ADCY5: variants seen among roughly 807,000 people sequenced by gnomAD.
ADCY5 encodes adenylate cyclase 5.
In ADCY5, 30 loss-of-function variants were observed where a neutral mutation model predicts 119.7. That is an observed-to-expected ratio of 0.25 (90% CI 0.19 to 0.34). The LOEUF (loss-of-function observed/expected upper bound fraction) is 0.34. Ranked by LOEUF, ADCY5 falls within the 10% of genes least tolerant of loss-of-function variation. ADCY5 has a pLI of 1.00. For missense variants in ADCY5, 1,324 were observed against 1,775.2 expected (o/e 0.75, Z 4.57); for synonymous variants, 753 against 762.2 (o/e 0.99, Z 0.20).
At chr3:123,306,221 A>G (rs945424266) in intron 12 of ADCY5, among the ~76,000 whole-genome samples, 2 of 152,264 alleles carry the variant, frequency 1.3e-5, no homozygotes, top group African/African-American at 4.8e-5. Flanking sequence ...TTGAGGGTCC[A>G]GAAACAAACC....
intron 1 of ADCY5, among the ~76,000 whole-genome samples, chr3:123,437,193 C>T (rs1223323218): frequency 6.6e-6 from 1 of 152,102 alleles, no homozygotes; most frequent in Non-Finnish European, 1.5e-5. Flanking sequence ...TGCAGAACAC[C>T]AGCCTCAGAA....
intron 1 of ADCY5, among the ~76,000 whole-genome samples, chr3:123,386,906 G>A (rs867077039): frequency 2.0e-5 from 3 of 152,010 alleles, no homozygotes; most frequent in African/African-American, 2.4e-5. Flanking sequence ...AGCAGAAACC[G>A]GCCACTCCAA....
At chr3:123,315,583 C>CT (rs915243676) in intron 11 of ADCY5, among the ~76,000 whole-genome samples, 28 of 149,542 alleles carry the variant, frequency 1.9e-4, no homozygotes, top group South Asian at 1.1e-3. Flanking sequence ...CCAGATTGCT[C>CT]TTTTTTTTTT....
rs903195945 is a variant in ADCY5 at position 123,425,956 on chromosome 3, G to A, written c.1134+21456C>T. On this transcript the variant is annotated intron_variant, in intron 1 of 20. Transcript: ENST00000462833. The stretch of plus-strand genomic sequence containing the variant: ...TTACTGCCATCCAAACATACAGGCA[G>A]TCCAGAGAAACACAAGCTCTCCTGG... 2.0e-5 allele frequency among the ~76,000 whole-genome samples: 3 copies of A among 152,232 alleles called. No individual in the cohort carries two copies. The East Asian group carries it at 5.8e-4, about 29-fold the overall frequency.
intron 3 of ADCY5, among the ~76,000 whole-genome samples, chr3:123,336,766 C>A (rs1576591321): frequency 1.3e-5 from 2 of 152,304 alleles, no homozygotes; most frequent in East Asian, 3.9e-4. Flanking sequence ...CACTGGATGG[C>A]CAGGCCTGTG....
At chr3:123,308,028 CTTT>C (rs1178147327) in intron 12 of ADCY5, among the ~76,000 whole-genome samples, 108 of 85,642 alleles carry the variant, frequency 1.3e-3, no homozygotes, top group Middle Eastern at 0.013. Context: ...TTTTCATGCT[CTTT>C]TTTTTTTTTT....
chr3:123,335,762 A>C (rs1461614552), intron 3 of ADCY5, among the ~76,000 whole-genome samples: 1 of 152,104 alleles, frequency 6.6e-6, no homozygotes, highest in Non-Finnish European at 1.5e-5. Context: ...GCCACCAGGG[A>C]GTGCATCCCA....
At chr3:123,447,328 G>C in intron 1 of ADCY5, 84 bp downstream of exon 1, 2 of 1,362,854 alleles carry the variant, frequency 1.5e-6, no homozygotes, top group Non-Finnish European at 1.9e-6. Context: ...ATTCGAAAGG[G>C]TGAGGGTGGG....
At chr3:123,370,188 C>T (rs996847159) in intron 1 of ADCY5, among the ~76,000 whole-genome samples, 1 of 152,108 alleles carries the variant, frequency 6.6e-6, no homozygotes, top group Non-Finnish European at 1.5e-5. Flanking sequence ...TCTCTAGGCC[C>T]CTGGAAATAT....
At chr3:123,321,505 G>A (rs1941216463) in intron 8 of ADCY5, among the ~76,000 whole-genome samples, 1 of 152,132 alleles carries the variant, frequency 6.6e-6, no homozygotes, top group African/African-American at 2.4e-5. Flanking sequence ...CAGCAGTGGT[G>A]GCAGAATGGA....
chr3:123,299,098 T>C (rs551511524), intron 15 of ADCY5, among the ~76,000 whole-genome samples: 7 of 152,366 alleles, frequency 4.6e-5, no homozygotes, highest in Admixed American at 1.3e-4. Flanking sequence ...GAAAAAATGC[T>C]GATTCATTTC....
chr3:123,320,489 G>A (rs986895439), intron 9 of ADCY5, among the ~76,000 whole-genome samples: 35 of 152,262 alleles, frequency 2.3e-4, no homozygotes, highest in African/African-American at 7.5e-4. Context: ...GTGTGCACAC[G>A]TGCACAAGCG....
chr3:123,320,040 G>C (rs1267415804), intron 9 of ADCY5, among the ~76,000 whole-genome samples: 1 of 152,192 alleles, frequency 6.6e-6, no homozygotes, highest in African/African-American at 2.4e-5. Context: ...AGTCCCCTTC[G>C]GGCTGAAGGG....
At chr3:123,416,396 G>T in intron 1 of ADCY5, 1 of 1,451,750 alleles carries the variant, frequency 6.9e-7, no homozygotes, top group South Asian at 1.4e-5. Context: ...GCTTAACAGT[G>T]GAACAGCCTG....
chr3:123,377,596 A>G (rs1182220178), intron 1 of ADCY5, among the ~76,000 whole-genome samples: 1 of 151,874 alleles, frequency 6.6e-6, no homozygotes, highest in Admixed American at 6.6e-5. Flanking sequence ...CTAGACTGTG[A>G]GCTCCATGAG....
chr3:123,284,739 G>A lies in ADCY5; in HGVS notation c.3658-3C>T, dbSNP rs1401020870. ...ACCTGGTACATGTCTGTGGTGACCTGTGGGGGAACAGGAGGAGAGAGGGCA... is the reference window on the plus strand; with the variant it reads ...ACCTGGTACATGTCTGTGGTGACCTATGGGGGAACAGGAGGAGAGAGGGCA... On this transcript the variant is annotated splice_region_variant and splice_polypyrimidine_tract_variant and intron_variant, in intron 20 of 20. Coordinates refer to ENST00000462833, the MANE Select transcript of ADCY5 (RefSeq NM_183357.3). The A allele has an allele frequency of 6.2e-7, 1 of 1,614,206 alleles. No individual in the cohort carries two copies. Among genetic ancestry groups the A allele is most frequent in the Non-Finnish European group, 8.5e-7 (1 of 1,180,028 alleles).
chr3:123,335,937 T>C (rs578169655), intron 3 of ADCY5, among the ~76,000 whole-genome samples: 150 of 152,070 alleles, frequency 9.9e-4, no homozygotes, highest in African/African-American at 3.4e-3. Flanking sequence ...GGACAAGAGA[T>C]GGAACAAATG....
intron 12 of ADCY5, among the ~76,000 whole-genome samples, chr3:123,310,834 C>T (rs947325180): frequency 2.0e-5 from 3 of 152,112 alleles, no homozygotes; most frequent in African/African-American, 7.2e-5. Context: ...AAGACCAAGG[C>T]ACCAAGTTAG....
intron 1 of ADCY5, among the ~76,000 whole-genome samples, chr3:123,414,896 A>T (rs1945149681): frequency 6.6e-6 from 1 of 152,156 alleles, no homozygotes; most frequent in Non-Finnish European, 1.5e-5. Context: ...TGGAGGATCG[A>T]CAGATGAGGA....
Sources: allele counts gnomAD v4.1 joint callset (sites outside exome capture counted in the v4.1 genomes callset), GRCh38; gene constraint gnomAD v4.1.1; transcripts MANE v1.5; gene names NCBI Gene and HGNC (gene_info 2026-07-23, HGNC 2026-07-21).